The following LYZL1 variants were observed in gnomAD, a reference collection of about 807,000 sequenced individuals.
LYZL1 encodes lysozyme like 1, also known as lysozyme-like protein 1.
Under a neutral mutation model 17.9 loss-of-function variants are expected in LYZL1, and 16 were observed. The observed-to-expected ratio is 0.90, with a 90% CI of 0.61 to 1.36. The LOEUF is 1.36. Among genes scored for constraint, LYZL1 ranks in the 40% most tolerant of loss-of-function variants. The pLI, the probability that LYZL1 is intolerant of heterozygous loss-of-function variation, is 0.00. For synonymous variants in LYZL1, 58 were observed against 71.8 expected (o/e 0.81, Z 0.97); for missense variants, 149 against 188.4 (o/e 0.79, Z 1.22).
chr10:29,296,085 G>A (rs1470259186), intron 3 of LYZL1, among the ~76,000 whole-genome samples: 2 of 152,146 alleles, frequency 1.3e-5, no homozygotes, highest in Non-Finnish European at 2.9e-5. Flanking sequence ...AAGCCACAAT[G>A]TTTGTGGTAA....
downstream of LYZL1, among the ~76,000 whole-genome samples, chr10:29,312,126 C>T (rs1835680743): frequency 6.6e-6 from 1 of 152,150 alleles, no homozygotes; most frequent in Non-Finnish European, 1.5e-5. Flanking sequence ...ATAGCAAGAC[C>T]CTGTCTCTAC....
At chr10:29,309,642 G>A (rs1466909966) in intron 3 of LYZL1, among the ~76,000 whole-genome samples, 1 of 151,996 alleles carries the variant, frequency 6.6e-6, no homozygotes, top group Non-Finnish European at 1.5e-5. Context: ...GACTAGAGGT[G>A]TACACCATCC....
rs1295603191 is a variant in LYZL1 at position 29,306,418 on chromosome 10, C to T, written c.299-3692C>T. On this transcript the variant is annotated intron_variant, in intron 3 of 4. Transcript: ENST00000649382. ...ACAAAAAATTAGCCGGGCGTAGTGG[C>T]GGGCGCCTGTAGTCCCAGCTACTCG... is the stretch of plus-strand genomic sequence containing the variant. Among the ~76,000 whole-genome samples the T allele has an allele frequency of 7.5e-5, 11 of 145,792 alleles. 1 individual carries two copies. Among genetic ancestry groups the T allele is most frequent in the Non-Finnish European group, 1.1e-4 (7 of 66,002 alleles).
chr10:29,316,449 T>C (rs368544877), intron 3 of LYZL1, among the ~76,000 whole-genome samples: 161 of 152,304 alleles, frequency 1.1e-3, no homozygotes, highest in African/African-American at 3.6e-3. Context: ...CGAATCTTTC[T>C]TTACACCAGG....
At chr10:29,308,067 A>T (rs759338575) in intron 3 of LYZL1, among the ~76,000 whole-genome samples, 104 of 152,362 alleles carry the variant, frequency 6.8e-4, no homozygotes, top group East Asian at 5.8e-4. Context: ...TGACAAGCAG[A>T]AATGAGATCA....
chr10:29,312,376 GA>G (rs1168728633), downstream of LYZL1, among the ~76,000 whole-genome samples: 1 of 150,264 alleles, frequency 6.7e-6, no homozygotes, highest in Non-Finnish European at 1.5e-5. Context: ...AGCATTATGA[GA>G]TTTTTTTTTT....
intron 3 of LYZL1, among the ~76,000 whole-genome samples, 192 bp downstream of exon 3, chr10:29,292,869 T>G (rs1230728826): frequency 6.6e-6 from 1 of 152,218 alleles, no homozygotes; most frequent in Non-Finnish European, 1.5e-5. Flanking sequence ...TCTCCAAAGA[T>G]GACTTATTCC....
intron 1 of LYZL1, among the ~76,000 whole-genome samples, chr10:29,290,536 T>G (rs531074176): frequency 1.3e-5 from 2 of 152,264 alleles, no homozygotes; most frequent in African/African-American, 4.8e-5. Context: ...ATTTGCAATC[T>G]AAGATAAAAC....
At chr10:29,293,765 G>C (rs1362053135) in intron 3 of LYZL1, among the ~76,000 whole-genome samples, 2 of 152,030 alleles carry the variant, frequency 1.3e-5, no homozygotes, top group Non-Finnish European at 2.9e-5. Context: ...CTGAGGTCAG[G>C]AGTTCAAGAC....
intron 3 of LYZL1, 36 bp from the exon 4 acceptor site, chr10:29,310,074 G>A: frequency 1.3e-6 from 2 of 1,494,924 alleles, no homozygotes; most frequent in Non-Finnish European, 1.8e-6. Flanking sequence ...CAACAACAAA[G>A]TCTCGCCTAA....
At chr10:29,315,786 C>T (rs1303915271), downstream of LYZL1, among the ~76,000 whole-genome samples, 3 of 151,400 alleles carry the variant, frequency 2.0e-5, no homozygotes, top group African/African-American at 7.3e-5. Context: ...AAGGTCAAGG[C>T]TGCAGTGAGC....
At chr10:29,291,717 C>A in intron 1 of LYZL1, 126 bp from the exon 2 acceptor site, 9 of 1,134,376 alleles carry the variant, frequency 7.9e-6, no homozygotes, top group Non-Finnish European at 1.1e-5. Context: ...CCGGTTTTCC[C>A]TGATGGTGGC....
At chr10:29,294,436 G>A (rs1031401722) in intron 3 of LYZL1, among the ~76,000 whole-genome samples, 3 of 152,244 alleles carry the variant, frequency 2.0e-5, no homozygotes, top group Non-Finnish European at 4.4e-5. Flanking sequence ...GTCATGGTTG[G>A]TGACATGGAG....
chr10:29,306,829 T>TGTGTGTGA (rs1195660388), intron 3 of LYZL1, among the ~76,000 whole-genome samples: 21 of 125,460 alleles, frequency 1.7e-4, no homozygotes, highest in African/African-American at 6.2e-4. Flanking sequence ...TGTGTGTGTG[T>TGTGTGTGA]GAAAGAGATT....
chr10:29,302,550 T>A (rs1410354905), intron 3 of LYZL1, among the ~76,000 whole-genome samples: 1 of 152,212 alleles, frequency 6.6e-6, no homozygotes, highest in Non-Finnish European at 1.5e-5. Context: ...TGTTCATATG[T>A]CGCATGTCTC....
At chr10:29,302,511 C>A (rs749382802) in intron 3 of LYZL1, among the ~76,000 whole-genome samples, 8 of 152,146 alleles carry the variant, frequency 5.3e-5, no homozygotes, top group Admixed American at 4.6e-4. Flanking sequence ...CGGTCCTCTT[C>A]GTGCATTTGC....
At chr10:29,310,648 A>G (rs1056122964) in intron 4 of LYZL1, among the ~76,000 whole-genome samples, 3 of 152,226 alleles carry the variant, frequency 2.0e-5, no homozygotes, top group African/African-American at 7.2e-5. Flanking sequence ...CGTCCCCAGC[A>G]TTGAGCCTGG....
At chr10:29,309,977 C>A in intron 3 of LYZL1, 133 bp from the exon 4 acceptor site, 2 of 617,488 alleles carry the variant, frequency 3.2e-6, no homozygotes, top group Non-Finnish European at 5.6e-6. Flanking sequence ...AAGATTGTGG[C>A]TTTGCAGGCA....
At chr10:29,315,883 C>T (rs959376845), downstream of LYZL1, among the ~76,000 whole-genome samples, 20 of 151,918 alleles carry the variant, frequency 1.3e-4, no homozygotes, top group African/African-American at 4.6e-4. Context: ...ATGAAAATGT[C>T]TTCCAACATA....
Sources: allele counts gnomAD v4.1 joint callset (sites outside exome capture counted in the v4.1 genomes callset), GRCh38; gene constraint gnomAD v4.1.1; transcripts MANE v1.5; gene names NCBI Gene and HGNC (gene_info 2026-07-23, HGNC 2026-07-21).